Variants in PC observed in about 807,000 individuals in gnomAD.
PC encodes pyruvate carboxylase, also known as pyruvate carboxylase, mitochondrial.
Under a neutral mutation model 107.8 loss-of-function variants are expected in PC, and 46 were observed. The ratio of observed to expected loss-of-function variants is 0.43; its 90% CI spans 0.34 to 0.55. PC has a LOEUF of 0.55. Among genes scored for constraint, PC ranks in the 20% least tolerant of loss-of-function variants. PC has a pLI of 0.04. For synonymous variants in PC, 662 were observed against 684.7 expected, an observed-to-expected ratio of 0.97 and a Z score of 0.52; for missense variants, 1,241 against 1,643.1, an observed-to-expected ratio of 0.76 and a Z score of 4.23.
intron 3 of PC, among the ~76,000 whole-genome samples, chr11:66,912,763 A>C (rs1202806619): frequency 6.6e-6 from 1 of 152,196 alleles, no homozygotes; most frequent in East Asian, 1.9e-4. Flanking sequence ...AGAAGCAGCA[A>C]GGGAAGAGGA....
intron 12 of PC, among the ~76,000 whole-genome samples, chr11:66,859,391 G>A (rs1482580176): frequency 2.6e-5 from 4 of 152,152 alleles, no homozygotes; most frequent in East Asian, 1.9e-4. Context: ...GCCCGCGCCC[G>A]CGTGTTATTT....
chr11:66,865,817 C>A (rs916799443), intron 11 of PC, among the ~76,000 whole-genome samples: 1 of 152,174 alleles, frequency 6.6e-6, no homozygotes, highest in African/African-American at 2.4e-5. Context: ...CCATGTCAGC[C>A]CATCCCTCAG....
rs1288223859 is a variant in PC at position 66,850,754 on chromosome 11, G to A, written c.2393C>T (p.Ala798Val). 1 of 1,611,290 alleles carries A rather than the reference G, an allele frequency of 6.2e-7. No homozygotes were observed. The highest frequency in any genetic ancestry group is 8.5e-7 in the Non-Finnish European group (1 of 1,179,920). Residue 798 changes from alanine (A) to valine (V), a missense_variant, in exon 18 of 23, where the codon GCT becomes GTT. Transcript: ENST00000393960. ...TGAAGTCATCCCAGACATGGAATCA[G>A]CTGCCACATCCACCACATCAGCTCC... ...QAGADVVDVA[A>V]DSMSGMTSQP... is the part of the protein sequence containing the mutation.
chr11:66,922,820 C>T (rs1165638759), intron 3 of PC, among the ~76,000 whole-genome samples: 1 of 152,200 alleles, frequency 6.6e-6, no homozygotes, highest in African/African-American at 2.4e-5. Flanking sequence ...TAGGCTTTAA[C>T]CCTGACTCTG....
intron 3 of PC, among the ~76,000 whole-genome samples, chr11:66,886,811 T>A (rs1438453668): frequency 1.3e-5 from 2 of 152,138 alleles, no homozygotes; most frequent in South Asian, 4.1e-4. Context: ...GTGAGTCTCC[T>A]GTGTAAAGAG....
chr11:66,860,330 C>A, intron 12 of PC: 1 of 1,307,992 alleles, frequency 7.6e-7, no homozygotes, highest in Non-Finnish European at 1.1e-6. Context: ...CTTGGAGGGG[C>A]AGGGAGCCCT....
rs202134233 is a variant in PC, at chr11:66,851,049, C to T, written c.2214G>A (p.Leu738=). ...EELVRAGTHI[L]CIKDMAGLLK... ...CAAGTGGCCCAGGCACCTTGATGCA[C>T]AGGATGTGGGTGCCAGCTCGCACCA... The change falls in exon 17 of 23, where the codon CTG becomes CTA. Residue 738 remains leucine (L), a synonymous_variant. Coordinates refer to ENST00000393960, the MANE Select transcript of PC (RefSeq NM_001040716.2). The T allele has an allele frequency of 4.3e-5, 69 of 1,612,984 alleles. No homozygotes were observed. In the East Asian group the frequency reaches 1.5e-3, roughly 36 times the overall value.
intron 3 of PC, among the ~76,000 whole-genome samples, chr11:66,948,699 G>C (rs1472401514): frequency 1.3e-5 from 2 of 152,084 alleles, no homozygotes; most frequent in South Asian, 2.1e-4. Flanking sequence ...AATTAGCCGG[G>C]TGTGGTGGCT....
In PC at chr11:66,950,377, C is replaced by T. The variant is rs558240558; in HGVS notation, c.-1+2053G>A. On this transcript the variant is annotated intron_variant, in intron 3 of 22. Coordinates refer to ENST00000393960, the MANE Select transcript of PC (RefSeq NM_001040716.2). ...TACTCCCAGCTGTCCCGTGCCCTCC[C>T]GGCCCCACCTCTTTCTCTGGCCTCG... Among the ~76,000 whole-genome samples, 23 of 152,318 alleles carry T rather than the reference C, an allele frequency of 1.5e-4. No homozygotes were observed. The South Asian group carries it at 3.9e-3, about 26-fold the overall frequency.
Position 66,852,026 on chromosome 11 carries a change from C to A in PC, c.1826-80G>T. The A allele has an allele frequency of 8.3e-6, 12 of 1,444,736 alleles. No individual in the cohort carries two copies. The highest frequency in any genetic ancestry group is 4.8e-5 in the East Asian group (2 of 41,474). 89.5% of individuals were successfully genotyped at this position (1,444,736 alleles called of 1,614,324 possible). ...AGGCCTTGGAGCTAGCTCTGCAGCA[C>A]AAGCCTCTGGCCCCAATACCAGGTC... On this transcript the variant is annotated intron_variant, in intron 15 of 22. Coordinates refer to ENST00000393960, the MANE Select transcript of PC (RefSeq NM_001040716.2). This position sits in a 1 kb window ranked among gnomAD's most constrained non-coding sequence, Gnocchi z 4.7.
chr11:66,851,994 C>A (rs1377054699), intron 15 of PC, 48 bp from the exon 16 acceptor site: 1 of 1,595,426 alleles, frequency 6.3e-7, no homozygotes, highest in South Asian at 1.1e-5. Flanking sequence ...GCCTGGGGAA[C>A]TCCACCAGGC....
chr11:66,851,747 G>T (rs750480498), intron 16 of PC, 43 bp downstream of exon 16: 1 of 1,606,338 alleles, frequency 6.2e-7, no homozygotes, highest in East Asian at 2.2e-5. Flanking sequence ...GGTACCCTCT[G>T]GGCCACACCA....
chr11:66,859,274 A>G (rs1946093100), intron 12 of PC, among the ~76,000 whole-genome samples: 1 of 151,922 alleles, frequency 6.6e-6, no homozygotes, highest in Admixed American at 6.5e-5. Context: ...AGGGGGCTGG[A>G]GCTCAAGGGG....
chr11:66,876,157 A>G (rs561439464), intron 3 of PC, among the ~76,000 whole-genome samples: 28 of 152,310 alleles, frequency 1.8e-4, no homozygotes, highest in African/African-American at 6.5e-4. Flanking sequence ...GGACAACGAT[A>G]CAATTTAAAT....
intron 3 of PC, among the ~76,000 whole-genome samples, chr11:66,892,741 G>A (rs1427903977): frequency 6.6e-6 from 1 of 152,078 alleles, no homozygotes; most frequent in Non-Finnish European, 1.5e-5. Flanking sequence ...CAGCTTCCCA[G>A]CTACTCGGGA....
Position 66,925,259 on chromosome 11 carries a change from G to A in PC, c.-1+27171C>T, listed in dbSNP as rs140273298. Among the ~76,000 whole-genome samples the A allele has an allele frequency of 1.6e-3, 236 of 152,240 alleles. No homozygotes were observed. The East Asian group carries it at 0.024, about 15-fold the overall frequency. On this transcript the variant is annotated intron_variant, in intron 3 of 22. Transcript: ENST00000393960. ...CTGGTCTGATCAAAATTTATTAGGCGGGAATTTCCTCGTCCTAATAAGCCT... is the reference window on the plus strand; with the variant it reads ...CTGGTCTGATCAAAATTTATTAGGCAGGAATTTCCTCGTCCTAATAAGCCT...
intron 12 of PC, among the ~76,000 whole-genome samples, chr11:66,861,479 G>A (rs996819702): frequency 7.9e-5 from 12 of 152,362 alleles, no homozygotes; most frequent in Admixed American, 5.2e-4. Context: ...GTGTGTTCAC[G>A]TGTGCATGGA....
chr11:66,853,912 C>T (rs2077432), intron 12 of PC, among the ~76,000 whole-genome samples: 41,282 of 152,208 alleles, frequency 0.27, 5,694 homozygotes, highest in Middle Eastern at 0.33. Flanking sequence ...CGTCCCGGGG[C>T]TGTGGCGCCA....
At chr11:66,919,994 T>C (rs1197208689) in intron 3 of PC, among the ~76,000 whole-genome samples, 3 of 152,302 alleles carry the variant, frequency 2.0e-5, no homozygotes, top group African/African-American at 7.2e-5. Context: ...CCTTGAAATG[T>C]AGGTTACCAT....
Sources: allele counts gnomAD v4.1 joint callset (sites outside exome capture counted in the v4.1 genomes callset), GRCh38; gene constraint gnomAD v4.1.1; non-coding constraint Gnocchi (gnomAD v3.1); transcripts MANE v1.5; gene names NCBI Gene and HGNC (gene_info 2026-07-23, HGNC 2026-07-21).